Variants in TENM3 observed in about 807,000 individuals in gnomAD.
TENM3 encodes teneurin-3.
A neutral mutation model predicts 255.1 loss-of-function variants in TENM3; 63 were observed. The ratio of observed to expected loss-of-function variants is 0.25; its 90% CI spans 0.20 to 0.30. The LOEUF is 0.30. TENM3 is among the 10% of genes least tolerant of loss of function. TENM3 has a pLI of 1.00. For missense variants in TENM3, 2,929 were observed against 3,461.1 expected (o/e 0.85, Z 3.86); for synonymous variants, 1,306 against 1,322.3 (o/e 0.99, Z 0.27).
intron 5 of TENM3, among the ~76,000 whole-genome samples, chr4:182,629,244 G>A (rs376612357): frequency 3.9e-5 from 6 of 152,100 alleles, no homozygotes; most frequent in Non-Finnish European, 5.9e-5. Flanking sequence ...CCTTCAATGC[G>A]TACTCAATAG....
intron 19 of TENM3, among the ~76,000 whole-genome samples, chr4:182,746,312 G>C (rs1283762745): frequency 3.3e-5 from 5 of 152,170 alleles, no homozygotes. Context: ...TGGAAGGGCT[G>C]ATATTTGAGC....
In TENM3 at chr4:182,734,440, C is replaced by T. The variant is rs1561177103; in HGVS notation, c.2968-2368C>T. 5.3e-5 allele frequency among the ~76,000 whole-genome samples: 8 copies of T among 152,210 alleles called. No individual in the cohort carries two copies. In the South Asian group the frequency reaches 1.7e-3, roughly 32 times the overall value. ...TCTAAAGTTAACTCAAGTGGCAAAACGCACTTGAAAGAAGCGCAGAAGATA... is the reference window on the plus strand; with the variant it reads ...TCTAAAGTTAACTCAAGTGGCAAAATGCACTTGAAAGAAGCGCAGAAGATA... On this transcript the variant is annotated intron_variant, in intron 16 of 27. Coordinates refer to ENST00000511685, the MANE Select transcript of TENM3 (RefSeq NM_001080477.4).
chr4:181,518,663 G>A, the TENM3 span, among the ~76,000 whole-genome samples: 17 of 152,180 alleles, frequency 1.1e-4, no homozygotes, highest in South Asian at 2.1e-4. Flanking sequence ...TCCTGACCTC[G>A]TGATCCGCCC....
chr4:182,312,052 A>C (rs1271737840), intron 1 of TENM3, among the ~76,000 whole-genome samples: 1 of 152,236 alleles, frequency 6.6e-6, no homozygotes, highest in Non-Finnish European at 1.5e-5. Context: ...CAGCCTAGCC[A>C]CACTACTGGT....
At chr4:182,391,963 A>G (rs529520511) in intron 3 of TENM3, among the ~76,000 whole-genome samples, 1 of 152,286 alleles carries the variant, frequency 6.6e-6, no homozygotes, top group Admixed American at 6.5e-5. Flanking sequence ...AAATTGCTCA[A>G]ATGTTTTGTT....
At chr4:182,055,692 T>C in the TENM3 span, among the ~76,000 whole-genome samples, 1 of 152,064 alleles carries the variant, frequency 6.6e-6, no homozygotes, top group African/African-American at 2.4e-5. Flanking sequence ...TCTTGTAGGA[T>C]TAAAAAGTGA....
At chr4:182,621,179 TA>T (rs113609964) in intron 4 of TENM3, among the ~76,000 whole-genome samples, 52 of 146,644 alleles carry the variant, frequency 3.5e-4, no homozygotes, top group African/African-American at 4.3e-4. Context: ...AGACTCCGTC[TA>T]AAAAAAAAAA....
chr4:182,092,765 G>C, the TENM3 span, among the ~76,000 whole-genome samples: 1 of 152,152 alleles, frequency 6.6e-6, no homozygotes, highest in African/African-American at 2.4e-5. Context: ...ATTTCCATGG[G>C]TAGAAATGAA....
chr4:182,792,920 C>T lies in TENM3; in HGVS notation c.6248C>T (p.Ala2083Val). ...ATGACCTATACGAAGCACTTTGATG[C>T]TCATGGCCGTATCAAGGAGATTCAA... is the stretch of plus-strand genomic sequence containing the variant. ...AVMTYTKHFD[A>V]HGRIKEIQYE... Residue 2083 changes from alanine (A) to valine (V), a missense_variant, in exon 26 of 28, where the codon GCT becomes GTT. Coordinates refer to ENST00000511685, the MANE Select transcript of TENM3 (RefSeq NM_001080477.4). This position sits in a 1 kb window ranked among gnomAD's most constrained non-coding sequence, Gnocchi z 6.3. 6.2e-7 allele frequency: 1 copy of T among 1,613,820 alleles called. No homozygotes were observed. Among genetic ancestry groups the T allele is most frequent in the Non-Finnish European group, 8.5e-7 (1 of 1,179,832 alleles).
intron 1 of TENM3, among the ~76,000 whole-genome samples, chr4:182,220,956 A>G (rs755711285): frequency 1.3e-5 from 2 of 152,220 alleles, no homozygotes; most frequent in Non-Finnish European, 2.9e-5. Flanking sequence ...TAAGATATCT[A>G]CATATCTTTT....
At chr4:181,691,972 G>A in the TENM3 span, among the ~76,000 whole-genome samples, 3 of 152,092 alleles carry the variant, frequency 2.0e-5, no homozygotes, top group African/African-American at 7.2e-5. Flanking sequence ...TCTTTAAGTT[G>A]CAATAGACTT....
At chr4:182,091,533 G>A in the TENM3 span, among the ~76,000 whole-genome samples, 3 of 152,150 alleles carry the variant, frequency 2.0e-5, no homozygotes, top group Non-Finnish European at 2.9e-5. Context: ...GGAGACCTGC[G>A]TACCTGGTGC....
At chr4:181,887,861 A>T in the TENM3 span, among the ~76,000 whole-genome samples, 1 of 152,180 alleles carries the variant, frequency 6.6e-6, no homozygotes, top group African/African-American at 2.4e-5. Context: ...TATTCCCTTG[A>T]TTGAAAGACC....
the TENM3 span, among the ~76,000 whole-genome samples, chr4:181,674,194 C>T: frequency 6.6e-6 from 1 of 152,106 alleles, no homozygotes; most frequent in Non-Finnish European, 1.5e-5. Context: ...TACAGGGTTT[C>T]ACCATGTTGC....
chr4:182,331,219 T>C lies in TENM3; in HGVS notation c.232+6967T>C, dbSNP rs10026035. On this transcript the variant is annotated intron_variant, in intron 2 of 27. Coordinates refer to ENST00000511685, the MANE Select transcript of TENM3 (RefSeq NM_001080477.4). ...AAAAAACAAGATGAAAGGAGTCAAA[T>C]CTACTCTATTACCTATCACCTAAAA... Among the ~76,000 whole-genome samples the C allele has an allele frequency of 1.0e-2, 1,517 of 152,248 alleles. 35 individuals carry two copies. The highest frequency in any genetic ancestry group is 0.035 in the African/African-American group (1,445 of 41,540).
At chr4:181,915,583 T>C in the TENM3 span, among the ~76,000 whole-genome samples, 1 of 150,630 alleles carries the variant, frequency 6.6e-6, no homozygotes, top group South Asian at 2.1e-4. Flanking sequence ...GAAGAGATTA[T>C]GTTAAACGAA....
chr4:181,617,030 G>A, the TENM3 span, among the ~76,000 whole-genome samples: 1 of 152,118 alleles, frequency 6.6e-6, no homozygotes, highest in African/African-American at 2.4e-5. Context: ...AACTTGGCAT[G>A]TCTTCAGTGT....
At chr4:182,087,646 T>C in the TENM3 span, among the ~76,000 whole-genome samples, 1 of 151,208 alleles carries the variant, frequency 6.6e-6, no homozygotes, top group African/African-American at 2.4e-5. Context: ...AATCCATTAG[T>C]ATAGATGGAT....
At chr4:182,239,076 T>TGTGTA (rs1491400584), upstream of TENM3, among the ~76,000 whole-genome samples, 1 of 135,840 alleles carries the variant, frequency 7.4e-6, no homozygotes. Context: ...TGTGTGTGTA[T>TGTGTA]TTTTTTTTTT....
Sources: gnomAD v4.1 joint callset for allele counts (sites outside exome capture counted in the v4.1 genomes callset) on GRCh38, gnomAD v4.1.1 for gene constraint, Gnocchi (gnomAD v3.1) non-coding constraint, MANE v1.5 for transcripts, NCBI Gene and HGNC (gene_info 2026-07-23, HGNC 2026-07-21) for gene names.